USP35: variants seen among roughly 807,000 people sequenced by gnomAD.
USP35 encodes ubiquitin specific peptidase 35, also known as ubiquitin carboxyl-terminal hydrolase 35.
In USP35, 69 loss-of-function variants were observed where a neutral mutation model predicts 83.8. The observed-to-expected ratio is 0.82, with a 90% CI of 0.68 to 1.01. The LOEUF (loss-of-function observed/expected upper bound fraction) is 1.01. Among genes scored for constraint, USP35 ranks in the 50% least tolerant of loss-of-function variants. The pLI is 0.00. For missense variants in USP35, 1,503 were observed against 1,362.5 expected, an observed-to-expected ratio of 1.10 and a Z score of -1.62; for synonymous variants, 714 against 589.5, an observed-to-expected ratio of 1.21 and a Z score of -3.06.
At chr11:78,190,967 G>A (rs1862985572) in intron 1 of USP35, among the ~76,000 whole-genome samples, 1 of 152,214 alleles carries the variant, frequency 6.6e-6, no homozygotes, top group Admixed American at 6.5e-5. Flanking sequence ...CGGCTCAGGA[G>A]TTTGGACCTT....
At chr11:78,234,283 A>G in the USP35 span, among the ~76,000 whole-genome samples, 6 of 152,058 alleles carry the variant, frequency 3.9e-5, no homozygotes, top group Non-Finnish European at 8.8e-5. Flanking sequence ...GGGTTTTGCC[A>G]TGTTATCCAG....
chr11:78,222,164 G>A, the USP35 span: 2 of 1,614,042 alleles, frequency 1.2e-6, no homozygotes, highest in South Asian at 2.2e-5. Context: ...CGATGACGGT[G>A]TTGTTCCTCA....
At chr11:78,221,291 C>G in the USP35 span, among the ~76,000 whole-genome samples, 1 of 152,214 alleles carries the variant, frequency 6.6e-6, no homozygotes, top group African/African-American at 2.4e-5. Flanking sequence ...GTTGATAGCT[C>G]TATTATGGCC....
rs1348931864 is a variant in USP35, at chr11:78,210,411, G to A, written c.2556G>A (p.Val852=). The A allele has an allele frequency of 6.2e-7, 1 of 1,613,932 alleles. No homozygotes were observed. The change falls in exon 10 of 11, where the codon GTG becomes GTA. Residue 852 remains valine, a synonymous_variant. Coordinates refer to ENST00000529308, the MANE Select transcript of USP35 (RefSeq NM_020798.4). ...GQAYDLCSVV[V]HSGVSSESGH... ...CCTATGACCTCTGCAGTGTGGTGGT[G>A]CACTCTGGAGTGTCTTCGGAGAGTG...
chr11:78,235,389 A>T, the USP35 span, among the ~76,000 whole-genome samples: 3 of 152,072 alleles, frequency 2.0e-5, no homozygotes, highest in Admixed American at 6.5e-5. Flanking sequence ...CCTGACCTTG[A>T]GATCCGCCCA....
In USP35 at chr11:78,205,898, G is replaced by C. The variant is rs762532075; in HGVS notation, c.1254G>C (p.Trp418Cys). Residue 418 changes from tryptophan to cysteine, a missense_variant, in exon 7 of 11, where the codon TGG becomes TGC. Transcript: ENST00000529308. ...RIKQLLGQDA[W>C]TSQKSELAGF... ...AGCAGCTGCTGGGGCAGGATGCCTG[G>C]ACTTCGCAGAAGAGCGAGCTGGCGG... The C allele has an allele frequency of 1.9e-6, 3 of 1,614,258 alleles. No homozygotes were observed. In the South Asian group the frequency reaches 3.3e-5, roughly 18 times the overall value.
At chr11:78,195,498 C>T (rs139289545) in intron 1 of USP35, among the ~76,000 whole-genome samples, 1 of 152,264 alleles carries the variant, frequency 6.6e-6, no homozygotes, top group Non-Finnish European at 1.5e-5. Flanking sequence ...CTTGGGGCCT[C>T]TTGCCCTTTC....
intron 10 of USP35, 135 bp downstream of exon 10, chr11:78,210,879 A>C: frequency 1.1e-6 from 1 of 938,928 alleles, no homozygotes; most frequent in Non-Finnish European, 1.5e-6. Flanking sequence ...TGCTGGGTAT[A>C]TACTGGTGGC....
chr11:78,215,899 G>A (rs994876210), downstream of USP35: 1 of 152,716 alleles, frequency 6.5e-6, no homozygotes, highest in African/African-American at 2.4e-5. Flanking sequence ...CCCCATGGGA[G>A]AAGGGGCCAG....
chr11:78,207,658 G>T, intron 8 of USP35, 35 bp downstream of exon 8: 1 of 1,602,912 alleles, frequency 6.2e-7, no homozygotes. Flanking sequence ...GGGTGGAGAG[G>T]CAGCTCTGGT....
chr11:78,196,210 G>A lies in USP35; in HGVS notation c.-10-26G>A. On this transcript the variant is annotated intron_variant, in intron 1 of 10. Transcript: ENST00000529308. This position sits in a 1 kb window ranked among gnomAD's most constrained non-coding sequence, Gnocchi z 4.8. Reference sequence around the variant, plus strand: ...TCTTGAGCCCCGCGGTTGTCGGGCTGTGACCTCATTCCCTGTCCTCCGCAG... The same window carrying A: ...TCTTGAGCCCCGCGGTTGTCGGGCTATGACCTCATTCCCTGTCCTCCGCAG... 3.2e-6 allele frequency: 5 copies of A among 1,565,286 alleles called. No homozygotes were observed. Among genetic ancestry groups the A allele is most frequent in the Non-Finnish European group, 4.3e-6 (5 of 1,164,378 alleles).
At chr11:78,225,072 G>A in the USP35 span, 10 of 1,360,216 alleles carry the variant, frequency 7.4e-6, no homozygotes, top group Admixed American at 1.7e-4. Context: ...ACCTAACCAG[G>A]CCGGCCTGAG....
downstream of USP35, chr11:78,219,135 A>T: frequency 1.3e-6 from 1 of 798,630 alleles, no homozygotes; most frequent in East Asian, 2.6e-5. Context: ...AGGGTCCCTG[A>T]TGTCAAGTGC....
chr11:78,196,506 C>G lies in USP35; in HGVS notation c.261C>G (p.Arg87=). The G allele has an allele frequency of 1.6e-6, 2 of 1,230,664 alleles. No homozygotes were observed. Among genetic ancestry groups the G allele is most frequent in the Non-Finnish European group, 2.0e-6 (2 of 980,460 alleles). The allele number at this position is 1,230,664 out of a possible 1,614,324, so 76.2% of individuals were successfully genotyped here. A position where few individuals can be genotyped will look rare whatever the true frequency, so the allele number is the denominator to read the frequency against. The change falls in exon 2 of 11, where the codon CGC becomes CGG. Residue 87 remains arginine (R), a synonymous_variant. Coordinates refer to ENST00000529308, the MANE Select transcript of USP35 (RefSeq NM_020798.4). The surrounding 1 kb of genome is among the most constrained non-coding windows in gnomAD (Gnocchi z 4.8). ...TCTTCAGCGCGCGTCGCGTGCTGCG[C>G]CTGCTGCAGGGTGGCGCCGGCCCCC... ...AEFFSARRVL[R]LLQGGAGPPG...
At position 78,210,124 on chromosome 11, in the gene USP35, G is replaced by A. The variant is rs1042490996; in HGVS notation, c.2269G>A (p.Gly757Ser). Residue 757 changes from glycine (G) to serine (S), a missense_variant, in exon 10 of 11, where the codon GGC becomes AGC. Physicochemically the swap from Gly to Ser is moderately conservative, Grantham distance 56 (BLOSUM62 0). Coordinates refer to ENST00000529308, the MANE Select transcript of USP35 (RefSeq NM_020798.4). ...CGGGGAGCGGACATGTGGCTCTGAG[G>A]GCTCCCGCTCCGTCCTGGACCTGGT... ...PSGERTCGSE[G>S]SRSVLDLVNY... The A allele has an allele frequency of 2.2e-5, 35 of 1,613,670 alleles. No individual in the cohort carries two copies. Among genetic ancestry groups the A allele is most frequent in the Non-Finnish European group, 2.8e-5 (33 of 1,179,888 alleles).
At chr11:78,236,312 T>G in the USP35 span, among the ~76,000 whole-genome samples, 2 of 152,230 alleles carry the variant, frequency 1.3e-5, no homozygotes, top group Non-Finnish European at 2.9e-5. Flanking sequence ...TAAACTCACT[T>G]AAAAATTTTT....
At chr11:78,205,770 C>CA in intron 6 of USP35, 72 bp from the exon 7 acceptor site, 2 of 1,531,762 alleles carry the variant, frequency 1.3e-6, no homozygotes, top group Non-Finnish European at 1.8e-6. Flanking sequence ...GAAGGCCTCC[C>CA]AGAAGAGGTG....
chr11:78,200,267 C>T lies in USP35; in HGVS notation c.1038+33C>T, dbSNP rs777188359. The stretch of plus-strand genomic sequence containing the variant: ...CCCCTGCCTGCTGCCCCTGGTGAGG[C>T]CCCTGCCTGCTGCCCCTGGTAAGGG... On this transcript the variant is annotated intron_variant, in intron 5 of 10. Transcript: ENST00000529308. The T allele has an allele frequency of 1.9e-6, 3 of 1,602,762 alleles. No homozygotes were observed. In the South Asian group the frequency reaches 3.3e-5, roughly 18 times the overall value.
the USP35 span, chr11:78,231,893 G>C: frequency 6.6e-5 from 10 of 152,182 alleles, no homozygotes; most frequent in African/African-American, 2.4e-4. Flanking sequence ...TTAGAGTTCT[G>C]TAACTGTCAC....
Sources: allele counts gnomAD v4.1 joint callset (sites outside exome capture counted in the v4.1 genomes callset), GRCh38; gene constraint gnomAD v4.1.1; non-coding constraint Gnocchi (gnomAD v3.1); transcripts MANE v1.5; gene names NCBI Gene and HGNC (gene_info 2026-07-23, HGNC 2026-07-21).